LINS1: variants seen among roughly 807,000 people sequenced by gnomAD.
LINS1 encodes the protein protein Lines homolog 1.
A neutral mutation model predicts 41.6 loss-of-function variants in LINS1; 27 were observed. The observed-to-expected ratio is 0.65, with a 90% CI of 0.48 to 0.89. The LOEUF is 0.89. Ranked by LOEUF, LINS1 falls within the 40% of genes least tolerant of loss-of-function variation. The pLI is 0.00. For synonymous variants in LINS1, 336 were observed against 312.9 expected (o/e 1.07, Z -0.78); for missense variants, 955 against 884.1 (o/e 1.08, Z -1.02).
rs764557620 is a variant in LINS1, at chr15:100,569,663, G to C, written c.1849C>G (p.Leu617Val). ...KGAHTMCASS[L>V]SSPRASQSLV... ...CTTTGAGAGGCCCGGGGGGAAGACA[G>C]ACTAGAAGCACACATGGTGTGAGCC... Residue 617 changes from leucine to valine, a missense_variant, in exon 7 of 7, where the codon CTG becomes GTG. By Grantham distance (32) the Leu-to-Val change is conservative. Coordinates refer to ENST00000314742, the MANE Select transcript of LINS1 (RefSeq NM_001040616.3). 3.1e-6 allele frequency: 5 copies of C among 1,613,470 alleles called. No homozygotes were observed. In the South Asian group the frequency reaches 4.4e-5, roughly 14 times the overall value.
chr15:100,579,114 T>C (rs2038371157), intron 3 of LINS1, among the ~76,000 whole-genome samples: 1 of 151,990 alleles, frequency 6.6e-6, no homozygotes, highest in Non-Finnish European at 1.5e-5. Context: ...ACATGGCACA[T>C]GTATACATAT....
chr15:100,585,524 A>G (rs1249349213), intron 1 of LINS1, among the ~76,000 whole-genome samples: 1 of 152,174 alleles, frequency 6.6e-6, no homozygotes, highest in East Asian at 1.9e-4. Context: ...TTAAAAATCA[A>G]ACTGCCGTGG....
intron 1 of LINS1, among the ~76,000 whole-genome samples, chr15:100,582,542 C>T (rs571601447): frequency 7.0e-6 from 1 of 142,508 alleles, no homozygotes; most frequent in African/African-American, 2.7e-5. Flanking sequence ...ACTGGGTCTT[C>T]CGTCTACACT....
chr15:100,570,193 T>C (rs1388655994), intron 6 of LINS1, 76 bp from the exon 7 acceptor site: 7 of 1,172,814 alleles, frequency 6.0e-6, no homozygotes, highest in Non-Finnish European at 8.5e-6. Flanking sequence ...ATAATTCACA[T>C]ACCATAAATT....
chr15:100,574,894 T>G, intron 4 of LINS1, 93 bp downstream of exon 4: 2 of 1,268,086 alleles, frequency 1.6e-6, no homozygotes, highest in Non-Finnish European at 1.1e-6. Flanking sequence ...TTAAGACAGA[T>G]CAGATGTTCC....
At chr15:100,572,141 T>A in intron 5 of LINS1, 76 bp from the exon 6 acceptor site, 1 of 1,575,336 alleles carries the variant, frequency 6.3e-7, no homozygotes, top group African/African-American at 1.4e-5. Context: ...TATAAATTCA[T>A]AGTGTCTAAA....
chr15:100,587,809 G>A (rs1293793247), intron 1 of LINS1, among the ~76,000 whole-genome samples: 1 of 152,116 alleles, frequency 6.6e-6, no homozygotes, highest in Non-Finnish European at 1.5e-5. Context: ...TTATACTTTT[G>A]TAAATAGAAT....
chr15:100,588,575 G>A (rs1212965088), intron 1 of LINS1, among the ~76,000 whole-genome samples: 2 of 152,142 alleles, frequency 1.3e-5, no homozygotes, highest in South Asian at 4.1e-4. Context: ...TCTAAATTAT[G>A]CAGGTCAGAT....
intron 1 of LINS1, among the ~76,000 whole-genome samples, chr15:100,595,613 A>G (rs995542009): frequency 8.5e-5 from 13 of 152,362 alleles, no homozygotes; most frequent in African/African-American, 3.1e-4. Context: ...GTTATCTTTA[A>G]AAAGATATGT....
rs538093147 is a variant in LINS1, at chr15:100,599,524, T to C, written c.-104+2597A>G. ...AGGAATTAGGAGACAACTCTGTTTCTAGGCTCTTCACCAACAAGTTCTTAG... is the reference window on the plus strand; with the variant it reads ...AGGAATTAGGAGACAACTCTGTTTCCAGGCTCTTCACCAACAAGTTCTTAG... On this transcript the variant is annotated intron_variant, in intron 1 of 6. Coordinates refer to ENST00000314742, the MANE Select transcript of LINS1 (RefSeq NM_001040616.3). Among the ~76,000 whole-genome samples, 7 of 152,364 alleles carry C rather than the reference T, an allele frequency of 4.6e-5. No homozygotes were observed. In the East Asian group the frequency reaches 1.3e-3, roughly 29 times the overall value.
intron 1 of LINS1, among the ~76,000 whole-genome samples, chr15:100,595,365 G>C (rs2039200628): frequency 6.6e-6 from 1 of 151,682 alleles, no homozygotes. Flanking sequence ...TTACAAAATG[G>C]ATCAGACATG....
chr15:100,576,812 A>G (rs1376653067), intron 3 of LINS1: 1 of 152,230 alleles, frequency 6.6e-6, no homozygotes, highest in Non-Finnish European at 1.5e-5. Flanking sequence ...CAGCACATCA[A>G]AAAGCTTATC....
In LINS1 at chr15:100,573,825, A is replaced by G; in HGVS notation, c.1048T>C (p.Leu350=). 1.9e-6 allele frequency: 3 copies of G among 1,614,254 alleles called. No homozygotes were observed. The highest frequency in any genetic ancestry group is 2.5e-6 in the Non-Finnish European group (3 of 1,180,044). The stretch of plus-strand genomic sequence containing the variant: ...TTTTCATAAACAGACAGTGTCTTCA[A>G]CAACCCCGAATTCACAGCTTGCAAA... ...AVLQAVNSGL[L]KTLSVYEKHS... is the part of the protein sequence containing the mutation. The change falls in exon 5 of 7, where the codon TTG becomes CTG. Residue 350 remains leucine, a synonymous_variant. Transcript: ENST00000314742.
At chr15:100,593,956 G>A (rs1320150976) in intron 1 of LINS1, among the ~76,000 whole-genome samples, 3 of 152,156 alleles carry the variant, frequency 2.0e-5, no homozygotes, top group Admixed American at 1.3e-4. Flanking sequence ...TCAGGATAGC[G>A]ATTTGACTGA....
At chr15:100,596,255 G>A (rs973972447) in intron 1 of LINS1, among the ~76,000 whole-genome samples, 5 of 152,276 alleles carry the variant, frequency 3.3e-5, no homozygotes, top group East Asian at 1.9e-4. Flanking sequence ...CACTAGACAG[G>A]TTTATGAAAG....
intron 1 of LINS1, among the ~76,000 whole-genome samples, chr15:100,585,372 G>A (rs2038754086): frequency 6.6e-6 from 1 of 152,212 alleles, no homozygotes; most frequent in Admixed American, 6.5e-5. Context: ...GGAGTTTGCT[G>A]TTGAATGGGA....
chr15:100,580,897 T>G lies in LINS1; in HGVS notation c.-55A>C. On this transcript the variant is annotated 5_prime_UTR_variant, in exon 2 of 7. An upstream start codon of the reference 5' UTR is lost. Transcript: ENST00000314742. ...GGTCGACAACTCCAAGTTGTAAACA[T>G]TAAATCTCAGAAGTGCAATGAATCT... 6.6e-7 allele frequency: 1 copy of G among 1,508,368 alleles called. No individual in the cohort carries two copies. Among genetic ancestry groups the G allele is most frequent in the Non-Finnish European group, 9.1e-7 (1 of 1,100,262 alleles). 93.4% of individuals were successfully genotyped at this position (1,508,368 alleles called of 1,614,324 possible).
Position 100,580,756 on chromosome 15 carries a change from G to C in LINS1, c.87C>G (p.Ile29Met), listed in dbSNP as rs144523618. The change falls in exon 2 of 7, where the codon ATC (isoleucine) becomes ATG (methionine). Residue 29 changes from isoleucine to methionine, a missense_variant. Coordinates refer to ENST00000314742, the MANE Select transcript of LINS1 (RefSeq NM_001040616.3). ...CTGAAACTGCTGGGTTGAGATAAAAGATGTAATCATGGCTGTCATTTTCAA... is the reference window on the plus strand; with the variant it reads ...CTGAAACTGCTGGGTTGAGATAAAACATGTAATCATGGCTGTCATTTTCAA... ...ATLENDSHDY[I>M]FYLNPAVSDQ... 6.2e-7 allele frequency: 1 copy of C among 1,609,886 alleles called. No individual in the cohort carries two copies. Among genetic ancestry groups the C allele is most frequent in the African/African-American group, 1.3e-5 (1 of 74,810 alleles).
chr15:100,589,958 A>C (rs1417819150), intron 1 of LINS1, among the ~76,000 whole-genome samples: 1 of 152,212 alleles, frequency 6.6e-6, no homozygotes, highest in East Asian at 1.9e-4. Context: ...TCTTCTGAGA[A>C]CATTGGAGAA....
Sources: allele counts gnomAD v4.1 joint callset (sites outside exome capture counted in the v4.1 genomes callset), GRCh38; gene constraint gnomAD v4.1.1; transcripts MANE v1.5; gene names NCBI Gene and HGNC (gene_info 2026-07-23, HGNC 2026-07-21).